Variants in TNFSF15 observed in about 807,000 individuals in gnomAD.
TNFSF15 encodes the protein tumor necrosis factor ligand superfamily member 15.
In TNFSF15, 15 loss-of-function variants were observed where a neutral mutation model predicts 26.4. The ratio of observed to expected loss-of-function variants is 0.57; its 90% CI spans 0.38 to 0.87. TNFSF15 has a LOEUF of 0.87. Among genes scored for constraint, TNFSF15 ranks in the 40% least tolerant of loss-of-function variants. The pLI is 0.00. For synonymous variants in TNFSF15, 116 were observed against 115.0 expected, an observed-to-expected ratio of 1.01 and a Z score of -0.06; for missense variants, 290 against 306.1, an observed-to-expected ratio of 0.95 and a Z score of 0.39.
intron 1 of TNFSF15, among the ~76,000 whole-genome samples, chr9:114,796,547 G>C (rs1479719588): frequency 6.6e-6 from 1 of 152,214 alleles, no homozygotes; most frequent in Non-Finnish European, 1.5e-5. Context: ...TGAATTAGTA[G>C]GGACACAGAG....
chr9:114,791,614 G>A (rs941846021), intron 3 of TNFSF15: 4 of 167,802 alleles, frequency 2.4e-5, no homozygotes, highest in Admixed American at 6.5e-5. Flanking sequence ...GTTTTCAGTG[G>A]GTTCTAACAT....
chr9:114,801,911 C>T (rs967334873), intron 1 of TNFSF15, among the ~76,000 whole-genome samples: 24 of 152,174 alleles, frequency 1.6e-4, no homozygotes, highest in Non-Finnish European at 2.9e-4. Flanking sequence ...AGTTTTCTAC[C>T]AGGATGCTAG....
chr9:114,797,685 C>T (rs1040903368), intron 1 of TNFSF15, among the ~76,000 whole-genome samples: 5 of 152,220 alleles, frequency 3.3e-5, no homozygotes, highest in African/African-American at 1.2e-4. Flanking sequence ...TCTTGTTATT[C>T]TGGGGGCACC....
Position 114,785,173 on chromosome 9 carries a change from A to G in TNFSF15, c.*5279T>C, listed in dbSNP as rs1829478016. 1 of 152,242 alleles carries G rather than the reference A, an allele frequency of 6.6e-6. No homozygotes were observed. Among genetic ancestry groups the G allele is most frequent in the Non-Finnish European group, 1.5e-5 (1 of 68,048 alleles). The allele number at this position is 152,242 out of a possible 1,614,324, so 9.4% of individuals were successfully genotyped here. ...GCTGGGCTTATTGTTAAGATATCTA[A>G]ATTCTACTTTTAGCATCCAACTAGC... is the stretch of plus-strand genomic sequence containing the variant. On this transcript the variant is annotated 3_prime_UTR_variant, in exon 4 of 4. Transcript: ENST00000374045.
Position 114,790,496 on chromosome 9 carries a change from A to G in TNFSF15, c.712T>C (p.Tyr238His). Reference protein sequence around the residue: ...VNVSDISLVDYTKEDKTFFGA... With the variant: ...VNVSDISLVDHTKEDKTFFGA... ...AAGAAGGTTTTATCTTCTTTTGTGT[A>G]ATCCACCAAAGAGATGTCACTGACG... is the stretch of plus-strand genomic sequence containing the variant. The change falls in exon 4 of 4, where the codon TAC becomes CAC. Residue 238 changes from tyrosine (Y) to histidine (H), a missense_variant. Around this residue, in one of 3 missense-constraint regions of TNFSF15, gnomAD observed 102 missense variants for 114.7 expected, o/e 0.89. Transcript: ENST00000374045. 6.2e-7 allele frequency: 1 copy of G among 1,613,660 alleles called. No homozygotes were observed. The highest frequency in any genetic ancestry group is 8.5e-7 in the Non-Finnish European group (1 of 1,179,810).
At chr9:114,798,875 C>T (rs1829705654) in intron 1 of TNFSF15, among the ~76,000 whole-genome samples, 1 of 152,210 alleles carries the variant, frequency 6.6e-6, no homozygotes, top group African/African-American at 2.4e-5. Context: ...CACTCTCTAT[C>T]TCTATTCATA....
Position 114,790,455 on chromosome 9 carries a change from T to C in TNFSF15, c.753A>G (p.Leu251=), listed in dbSNP as rs1313162480. 3.8e-6 allele frequency: 6 copies of C among 1,596,328 alleles called. No homozygotes were observed. The highest frequency in any genetic ancestry group is 2.2e-5 in the East Asian group (1 of 44,630). ...EDKTFFGAFL[L] ...TATAATGATATTTGCTCTCCTCCTA[T>C]AGTAAGAAGGCTCCAAAGAAGGTTT... The change falls in exon 4 of 4, where the codon CTA becomes CTG. Residue 251 remains leucine (L), a synonymous_variant. Transcript: ENST00000374045.
intron 1 of TNFSF15, among the ~76,000 whole-genome samples, chr9:114,800,568 A>G (rs750798468): frequency 1.3e-5 from 2 of 152,174 alleles, no homozygotes; most frequent in Non-Finnish European, 2.9e-5. Context: ...GACTGGGCAC[A>G]TTGTTTAGCC....
At chr9:114,794,929 C>T (rs995074775) in intron 1 of TNFSF15, among the ~76,000 whole-genome samples, 4 of 152,126 alleles carry the variant, frequency 2.6e-5, no homozygotes, top group South Asian at 2.1e-4. Context: ...TGGGTACAAA[C>T]GTACAGTTGG....
At chr9:114,800,518 T>C (rs941927642) in intron 1 of TNFSF15, among the ~76,000 whole-genome samples, 2 of 152,210 alleles carry the variant, frequency 1.3e-5, no homozygotes, top group Admixed American at 6.5e-5. Context: ...GAGAAATATA[T>C]ACAGTGGATT....
chr9:114,795,895 G>A (rs911489794), intron 1 of TNFSF15, among the ~76,000 whole-genome samples: 2 of 152,188 alleles, frequency 1.3e-5, no homozygotes, highest in Admixed American at 6.5e-5. Flanking sequence ...CTGTGAGCAG[G>A]TGTGTGATGT....
Position 114,790,237 on chromosome 9 carries a change from T to A in TNFSF15, c.*215A>T. The A allele has an allele frequency of 2.1e-6, 1 of 483,742 alleles. No individual in the cohort carries two copies. The highest frequency in any genetic ancestry group is 3.6e-6 in the Non-Finnish European group (1 of 274,586). The allele number at this position is 483,742 out of a possible 1,614,324, so 30.0% of individuals were successfully genotyped here. ...CCTCCAACCCATCTTAATAATATAT[T>A]TGCTCTCTTCAGCCTTTTTCCAGTT... On this transcript the variant is annotated 3_prime_UTR_variant, in exon 4 of 4. Coordinates refer to ENST00000374045, the MANE Select transcript of TNFSF15 (RefSeq NM_005118.4).
intron 3 of TNFSF15, chr9:114,791,110 T>C: frequency 1.6e-6 from 1 of 624,790 alleles, no homozygotes. Flanking sequence ...ACTAGTGACC[T>C]GGGGCAAATT....
rs1240267247 is a variant in TNFSF15 at position 114,789,102 on chromosome 9, C to T, written c.*1350G>A. On this transcript the variant is annotated 3_prime_UTR_variant, in exon 4 of 4. Coordinates refer to ENST00000374045, the MANE Select transcript of TNFSF15 (RefSeq NM_005118.4). ...GATTTGGTGATTGACTTCTTTTTTC[C>T]CTTCCCCCATGGAATAAGTCCATTG... The T allele has an allele frequency of 6.6e-6, 1 of 152,110 alleles. No individual in the cohort carries two copies. The highest frequency in any genetic ancestry group is 1.5e-5 in the Non-Finnish European group (1 of 68,024). The allele number at this position is 152,110 out of a possible 1,614,324, so 9.4% of individuals were successfully genotyped here.
Position 114,790,383 on chromosome 9 carries a change from T to C in TNFSF15, c.*69A>G. The C allele has an allele frequency of 6.9e-7, 1 of 1,453,496 alleles. No homozygotes were observed. Among genetic ancestry groups the C allele is most frequent in the Non-Finnish European group, 9.3e-7 (1 of 1,077,432 alleles). 90.0% of individuals were successfully genotyped at this position (1,453,496 alleles called of 1,614,324 possible). A position where few individuals can be genotyped will look rare whatever the true frequency, so the allele number is the denominator to read the frequency against. Reference sequence around the variant, plus strand: ...CCCCAAGAAAACCCCTGGTTATAATTACATTTGAACAAAGAAAATTAGGAA... The same window carrying C: ...CCCCAAGAAAACCCCTGGTTATAATCACATTTGAACAAAGAAAATTAGGAA... On this transcript the variant is annotated 3_prime_UTR_variant, in exon 4 of 4. Coordinates refer to ENST00000374045, the MANE Select transcript of TNFSF15 (RefSeq NM_005118.4).
rs539771448 is a variant in TNFSF15, at chr9:114,786,977, A to T, written c.*3475T>A. 7.2e-5 allele frequency: 11 copies of T among 152,082 alleles called. No homozygotes were observed. Among genetic ancestry groups the T allele is most frequent in the African/African-American group, 2.4e-4 (10 of 41,508 alleles). The allele number at this position is 152,082 out of a possible 1,614,324, so 9.4% of individuals were successfully genotyped here. A position where few individuals can be genotyped will look rare whatever the true frequency, so the allele number is the denominator to read the frequency against. ...CATAATCAATTCTGTTCTGCCAAATAGACTGAAACCATGCTAGCATCAAAA... is the reference window on the plus strand; with the variant it reads ...CATAATCAATTCTGTTCTGCCAAATTGACTGAAACCATGCTAGCATCAAAA... On this transcript the variant is annotated 3_prime_UTR_variant, in exon 4 of 4. Transcript: ENST00000374045.
At chr9:114,795,794 C>T (rs138302583) in intron 1 of TNFSF15, among the ~76,000 whole-genome samples, 9 of 152,312 alleles carry the variant, frequency 5.9e-5, no homozygotes, top group East Asian at 3.9e-4. Context: ...CATCTGTACA[C>T]GTGTCTGTGA....
At position 114,790,412 on chromosome 9, in the gene TNFSF15, G is replaced by A. The variant is rs1184709927; in HGVS notation, c.*40C>T. The A allele has an allele frequency of 8.6e-6, 13 of 1,514,924 alleles. No individual in the cohort carries two copies. The highest frequency in any genetic ancestry group is 2.3e-5 in the East Asian group (1 of 44,042). 93.8% of individuals were successfully genotyped at this position (1,514,924 alleles called of 1,614,324 possible). A position where few individuals can be genotyped will look rare whatever the true frequency, so the allele number is the denominator to read the frequency against. Reference sequence around the variant, plus strand: ...TTTGAACAAAGAAAATTAGGAACTCGGTGGCAGAGGACTTTCATATAATGA... The same window carrying A: ...TTTGAACAAAGAAAATTAGGAACTCAGTGGCAGAGGACTTTCATATAATGA... On this transcript the variant is annotated 3_prime_UTR_variant, in exon 4 of 4. Transcript: ENST00000374045.
intron 1 of TNFSF15, among the ~76,000 whole-genome samples, chr9:114,795,167 ATAT>A (rs1351462234): frequency 1.1e-4 from 16 of 152,192 alleles, no homozygotes; most frequent in African/African-American, 3.9e-4. Context: ...CGTATATAAA[ATAT>A]TATGTATCAA....
Sources: allele counts gnomAD v4.1 joint callset (sites outside exome capture counted in the v4.1 genomes callset), GRCh38; gene constraint gnomAD v4.1.1; regional missense constraint gnomAD v4.1.1; transcripts MANE v1.5; gene names NCBI Gene and HGNC (gene_info 2026-07-23, HGNC 2026-07-21).